Variants in KCNMA1 observed in about 807,000 individuals in gnomAD.
The protein encoded by KCNMA1 is Calcium-activated potassium channel subunit alpha-1.
Under a neutral mutation model 140.0 loss-of-function variants are expected in KCNMA1, and 29 were observed. The observed-to-expected ratio is 0.21, with a 90% CI of 0.15 to 0.28. The LOEUF (loss-of-function observed/expected upper bound fraction) is 0.28. Among genes scored for constraint, KCNMA1 ranks in the 10% least tolerant of loss-of-function variants. The probability of loss-of-function intolerance (pLI) is 1.00; values close to 1 mark genes in which losing one functional copy is unlikely to be tolerated. For synonymous variants in KCNMA1, 612 were observed against 611.9 expected, an observed-to-expected ratio of 1.00 and a Z score of 0.00; for missense variants, 880 against 1,602.2, an observed-to-expected ratio of 0.55 and a Z score of 7.70.
At chr10:77,053,826 CT>C (rs1298527172) in intron 14 of KCNMA1, among the ~76,000 whole-genome samples, 1 of 152,186 alleles carries the variant, frequency 6.6e-6, no homozygotes, top group Admixed American at 6.5e-5. Flanking sequence ...GGGGTAGGTG[CT>C]TTCATATACG....
At chr10:76,955,784 A>T (rs2068028597) in intron 20 of KCNMA1, among the ~76,000 whole-genome samples, 1 of 152,226 alleles carries the variant, frequency 6.6e-6, no homozygotes, top group Non-Finnish European at 1.5e-5. Context: ...TATTAATATT[A>T]TCTGGAATAG....
At chr10:77,235,288 G>C (rs560607033) in intron 3 of KCNMA1, among the ~76,000 whole-genome samples, 10 of 152,182 alleles carry the variant, frequency 6.6e-5, no homozygotes, top group Non-Finnish European at 1.3e-4. Flanking sequence ...AGCATGGCTG[G>C]ATGACATGCT....
chr10:77,545,446 G>A (rs540765729), intron 1 of KCNMA1, among the ~76,000 whole-genome samples: 32 of 152,286 alleles, frequency 2.1e-4, no homozygotes, highest in African/African-American at 7.0e-4. Context: ...AATCACTGAG[G>A]GAATCGCTGG....
At chr10:77,316,176 C>T (rs2080831249) in intron 2 of KCNMA1, among the ~76,000 whole-genome samples, 1 of 152,140 alleles carries the variant, frequency 6.6e-6, no homozygotes. Context: ...AGACAGGACT[C>T]TCAAAATCCC....
chr10:77,324,154 G>A (rs1329273166), intron 2 of KCNMA1, among the ~76,000 whole-genome samples: 1 of 152,212 alleles, frequency 6.6e-6, no homozygotes, highest in African/African-American at 2.4e-5. Context: ...TAGATGGAGA[G>A]CAGACAGCAT....
chr10:77,508,100 G>C (rs771940169), intron 1 of KCNMA1, among the ~76,000 whole-genome samples: 1 of 152,198 alleles, frequency 6.6e-6, no homozygotes, highest in Non-Finnish European at 1.5e-5. Context: ...GCATCTAAAT[G>C]CATAGAGAAA....
chr10:77,068,549 T>C (rs957064038), intron 14 of KCNMA1, among the ~76,000 whole-genome samples: 1 of 151,988 alleles, frequency 6.6e-6, no homozygotes, highest in Non-Finnish European at 1.5e-5. Context: ...TTGTTATCGA[T>C]ATTAAGTAAC....
chr10:77,116,314 C>G (rs1026765626), intron 6 of KCNMA1, among the ~76,000 whole-genome samples: 1 of 152,094 alleles, frequency 6.6e-6, no homozygotes, highest in Non-Finnish European at 1.5e-5. Context: ...AGATTAGAGA[C>G]CTCTTCCAAG....
intron 15 of KCNMA1, among the ~76,000 whole-genome samples, chr10:77,028,920 T>C (rs2093701751): frequency 6.6e-6 from 1 of 152,180 alleles, no homozygotes. Context: ...TAAGTGTTAT[T>C]TATATGGAGT....
intron 1 of KCNMA1, among the ~76,000 whole-genome samples, chr10:77,474,648 T>C (rs1167734900): frequency 6.6e-6 from 1 of 152,088 alleles, no homozygotes; most frequent in African/African-American, 2.4e-5. Flanking sequence ...TCTTTTTTTT[T>C]TCTCTCTCTC....
At chr10:77,283,101 T>C (rs1197004021) in intron 2 of KCNMA1, among the ~76,000 whole-genome samples, 1 of 152,200 alleles carries the variant, frequency 6.6e-6, no homozygotes, top group Non-Finnish European at 1.5e-5. Flanking sequence ...ACCTAGTTTT[T>C]GGTGCTCCCA....
At position 77,389,854 on chromosome 10, in the gene KCNMA1, G is replaced by A. The variant is rs116441431; in HGVS notation, c.540+14008C>T. The stretch of plus-strand genomic sequence containing the variant: ...TGGAGGTGAGTCAAAAGCAGGCACC[G>A]TAACTCACGGGGCCTTGTAAGCCAG... On this transcript the variant is annotated intron_variant, in intron 2 of 27. Coordinates refer to ENST00000286628, the MANE Select transcript of KCNMA1 (RefSeq NM_001161352.2). Among the ~76,000 whole-genome samples the A allele has an allele frequency of 8.7e-3, 1,329 of 152,266 alleles. 16 individuals carry two copies. The highest frequency in any genetic ancestry group is 0.03 in the African/African-American group (1,238 of 41,536).
chr10:77,610,825 G>C (rs866793558), intron 1 of KCNMA1, among the ~76,000 whole-genome samples: 6 of 152,284 alleles, frequency 3.9e-5, no homozygotes, highest in Non-Finnish European at 7.3e-5. Flanking sequence ...TTGCGAATAA[G>C]CTAAAAAACT....
At chr10:77,485,058 CCTT>C (rs900781350) in intron 1 of KCNMA1, among the ~76,000 whole-genome samples, 5 of 152,188 alleles carry the variant, frequency 3.3e-5, no homozygotes, top group Admixed American at 1.3e-4. Flanking sequence ...CTCACTCTCT[CCTT>C]CTTCTGAACC....
At chr10:77,549,559 C>T (rs765357800) in intron 1 of KCNMA1, among the ~76,000 whole-genome samples, 8 of 152,200 alleles carry the variant, frequency 5.3e-5, no homozygotes, top group Non-Finnish European at 4.4e-5. Context: ...GTGAGAAGAG[C>T]GAACCCAGCC....
At chr10:76,893,698 C>T (rs1447327107) in intron 25 of KCNMA1, among the ~76,000 whole-genome samples, 1 of 152,160 alleles carries the variant, frequency 6.6e-6, no homozygotes, top group Non-Finnish European at 1.5e-5. Context: ...TGAGATCATG[C>T]CACTGCACCC....
At chr10:77,458,517 C>T (rs1357826974) in intron 1 of KCNMA1, among the ~76,000 whole-genome samples, 1 of 152,228 alleles carries the variant, frequency 6.6e-6, no homozygotes, top group African/African-American at 2.4e-5. Context: ...GTTCCCCAGA[C>T]ACACATGCAT....
At chr10:77,458,279 G>T (rs901813897) in intron 1 of KCNMA1, among the ~76,000 whole-genome samples, 10 of 152,310 alleles carry the variant, frequency 6.6e-5, no homozygotes, top group African/African-American at 2.4e-4. Flanking sequence ...TTAACAAATA[G>T]CCCTATCTAT....
intron 2 of KCNMA1, among the ~76,000 whole-genome samples, chr10:77,260,179 C>T (rs890691964): frequency 6.6e-6 from 1 of 152,070 alleles, no homozygotes; most frequent in Non-Finnish European, 1.5e-5. Flanking sequence ...GAGACACACA[C>T]AGGGATAGCA....
Sources: allele counts gnomAD v4.1 joint callset (sites outside exome capture counted in the v4.1 genomes callset), GRCh38; gene constraint gnomAD v4.1.1; transcripts MANE v1.5; gene names NCBI Gene and HGNC (gene_info 2026-07-23, HGNC 2026-07-21).